The following RNF111 variants were observed in gnomAD, a reference collection of about 807,000 sequenced individuals.
RNF111 encodes the protein E3 ubiquitin-protein ligase Arkadia.
RNF111 carries 17 observed loss-of-function variants against 95.1 expected under a neutral mutation model. The observed-to-expected ratio is 0.18, with a 90% CI of 0.12 to 0.27. RNF111 has a LOEUF of 0.27. RNF111 is among the 10% of genes least tolerant of loss of function. The pLI is 1.00. For synonymous variants in RNF111, 440 were observed against 414.8 expected (o/e 1.06, Z -0.74); for missense variants, 1,189 against 1,210.4 (o/e 0.98, Z 0.26).
At chr15:59,026,239 G>C (rs1296492509) in intron 1 of RNF111, among the ~76,000 whole-genome samples, 1 of 151,968 alleles carries the variant, frequency 6.6e-6, no homozygotes, top group African/African-American at 2.4e-5. Flanking sequence ...ACATAAACTT[G>C]TTTATGATGT....
In RNF111 at chr15:59,030,790, A is replaced by G. The variant is rs2040865396; in HGVS notation, c.-19-14A>G. Reference sequence around the variant, plus strand: ...ACATTAAAAATCTTTTAAATATCTAATTTTGTCTTCTAGGCTTTCCTTAAA... The same window carrying G: ...ACATTAAAAATCTTTTAAATATCTAGTTTTGTCTTCTAGGCTTTCCTTAAA... On this transcript the variant is annotated splice_polypyrimidine_tract_variant and intron_variant, in intron 1 of 13. Transcript: ENST00000348370. The G allele has an allele frequency of 6.6e-7, 1 of 1,509,338 alleles. No homozygotes were observed. The highest frequency in any genetic ancestry group is 8.9e-7 in the Non-Finnish European group (1 of 1,124,724). The allele number at this position is 1,509,338 out of a possible 1,614,324, so 93.5% of individuals were successfully genotyped here.
At chr15:59,064,046 A>G (rs147025544) in intron 5 of RNF111, among the ~76,000 whole-genome samples, 273 of 152,306 alleles carry the variant, frequency 1.8e-3, no homozygotes, top group African/African-American at 6.4e-3. Flanking sequence ...AGTAATTACT[A>G]TACATATTAT....
intron 1 of RNF111, chr15:59,004,305 G>A (rs1259586186): frequency 3.2e-5 from 7 of 221,188 alleles, no homozygotes; most frequent in Non-Finnish European, 4.9e-5. Context: ...GGAACTTGCT[G>A]TTTAGGTTTA....
chr15:59,066,884 C>G lies in RNF111; in HGVS notation c.1487C>G (p.Ala496Gly). Residue 496 changes from alanine (A) to glycine (G), a missense_variant, in exon 6 of 14, where the codon GCA becomes GGA. Around this residue, in one of 2 missense-constraint regions of RNF111, gnomAD observed 1,024 missense variants for 925.9 expected, o/e 1.11. Transcript: ENST00000348370. ...GGAGGGTCGTCACAGAACCACCATG[C>G]ATTAGGACATCCTCATACAAGTTGC... ...PCGGSSQNHH[A>G]LGHPHTSCFQ... is the part of the protein sequence containing the mutation. 1.9e-6 allele frequency: 3 copies of G among 1,614,056 alleles called. No individual in the cohort carries two copies. Among genetic ancestry groups the G allele is most frequent in the Non-Finnish European group, 2.5e-6 (3 of 1,180,004 alleles).
At chr15:59,072,976 A>G (rs1290613386) in intron 6 of RNF111, among the ~76,000 whole-genome samples, 1 of 151,818 alleles carries the variant, frequency 6.6e-6, no homozygotes, top group Non-Finnish European at 1.5e-5. Context: ...GTTAAAGACC[A>G]GTCTGGGCAA....
chr15:59,023,479 A>G (rs1460810758), intron 1 of RNF111, among the ~76,000 whole-genome samples: 6 of 152,070 alleles, frequency 3.9e-5, no homozygotes, highest in African/African-American at 1.4e-4. Flanking sequence ...GTATTTTCTA[A>G]CTAGCTACTG....
intron 6 of RNF111, among the ~76,000 whole-genome samples, chr15:59,070,138 T>A (rs1274392669): frequency 6.7e-6 from 1 of 149,884 alleles, no homozygotes; most frequent in Non-Finnish European, 1.5e-5. Context: ...GACTTCTAAT[T>A]GGCTGGGACT....
chr15:59,036,808 A>G (rs1444333320), intron 2 of RNF111, among the ~76,000 whole-genome samples: 3 of 152,140 alleles, frequency 2.0e-5, no homozygotes, highest in Admixed American at 6.6e-5. Context: ...TTATGTCATC[A>G]GTTCATTTGT....
chr15:59,084,355 G>A (rs949019633), intron 9 of RNF111, 101 bp downstream of exon 9: 2 of 1,195,872 alleles, frequency 1.7e-6, no homozygotes, highest in Admixed American at 2.8e-5. Flanking sequence ...GGATGATGTG[G>A]AGAAACCTAA....
intron 1 of RNF111, among the ~76,000 whole-genome samples, chr15:58,992,897 G>A (rs1304591833): frequency 6.6e-6 from 1 of 152,098 alleles, no homozygotes; most frequent in East Asian, 1.9e-4. Context: ...TGGACATGGT[G>A]GTGCACACCT....
rs2040879069 is a variant in RNF111, at chr15:59,031,044, A to G, written c.222A>G (p.Gln74=). The G allele has an allele frequency of 1.2e-6, 2 of 1,614,254 alleles. No homozygotes were observed. Among genetic ancestry groups the G allele is most frequent in the Non-Finnish European group, 1.7e-6 (2 of 1,180,038 alleles). ...ACCTGTGTGATGATTCTCAAAAGCA[A>G]GAGAAGGAAATGAATGGTAACCAGC... ...FSHLCDDSQK[Q]EKEMNGNQQE... Residue 74 remains glutamine (Q), a synonymous_variant, in exon 2 of 14, where the codon CAA becomes CAG. Coordinates refer to ENST00000348370, the MANE Select transcript of RNF111 (RefSeq NM_017610.8).
chr15:59,024,222 A>G (rs1384565263), intron 1 of RNF111, among the ~76,000 whole-genome samples: 1 of 152,128 alleles, frequency 6.6e-6, no homozygotes, highest in African/African-American at 2.4e-5. Flanking sequence ...TATCTCAGCT[A>G]TTGGTGTCAC....
chr15:59,010,711 G>T (rs1443300426), intron 1 of RNF111, among the ~76,000 whole-genome samples: 1 of 152,072 alleles, frequency 6.6e-6, no homozygotes, highest in East Asian at 1.9e-4. Flanking sequence ...CTCCACATCT[G>T]TTTTAATCTT....
At chr15:59,049,745 CTTTTTTTTTTTT>C (rs368049097) in intron 2 of RNF111, 1 of 104,622 alleles carries the variant, frequency 9.6e-6, no homozygotes, top group Non-Finnish European at 1.9e-5. Flanking sequence ...TTCTTTCTTT[CTTTTTTTTTTTT>C]TTTTTTTTGA....
chr15:59,000,708 CAAAA>C (rs35056899), intron 1 of RNF111, among the ~76,000 whole-genome samples: 1 of 90,164 alleles, frequency 1.1e-5, no homozygotes, highest in Non-Finnish European at 2.3e-5. Flanking sequence ...AACTCCGTCT[CAAAA>C]AAAAAAAAAA....
In RNF111 at chr15:59,030,887, T is replaced by C. The variant is rs933677559; in HGVS notation, c.65T>C (p.Ile22Thr). The stretch of plus-strand genomic sequence containing the variant: ...TTAAAAGTGGATATGAAGAGTGAGA[T>C]TCCTTCTGATGCACCAAAGACACAG... ...YTLKVDMKSE[I>T]PSDAPKTQES... is the part of the protein sequence containing the mutation. The change falls in exon 2 of 14, where the codon ATT becomes ACT. Residue 22 changes from isoleucine to threonine, a missense_variant. By Grantham distance (89) the Ile-to-Thr change is moderately conservative. Around this residue, in one of 2 missense-constraint regions of RNF111, gnomAD observed 1,024 missense variants for 925.9 expected, o/e 1.11. Transcript: ENST00000348370. 5.0e-6 allele frequency: 8 copies of C among 1,614,048 alleles called. No individual in the cohort carries two copies. Among genetic ancestry groups the C allele is most frequent in the Non-Finnish European group, 5.9e-6 (7 of 1,179,994 alleles).
intron 1 of RNF111, among the ~76,000 whole-genome samples, chr15:59,010,734 T>G (rs1054170013): frequency 1.3e-5 from 2 of 152,148 alleles, no homozygotes; most frequent in Non-Finnish European, 2.9e-5. Flanking sequence ...AAGTGTATTA[T>G]AAGTTATAGT....
intron 1 of RNF111, among the ~76,000 whole-genome samples, chr15:59,013,951 G>T (rs1192037390): frequency 6.6e-6 from 1 of 151,860 alleles, no homozygotes; most frequent in African/African-American, 2.4e-5. Flanking sequence ...ACCACGCCTG[G>T]CTAATTTTTG....
Position 59,028,317 on chromosome 15 carries a change from C to T in RNF111, c.-19-2487C>T, listed in dbSNP as rs2040726928. On this transcript the variant is annotated intron_variant, in intron 1 of 13. Transcript: ENST00000348370. ...TTGTAGCTTGAGTCAGTATGGTAGT[C>T]TGCGCCCCTGTCCAAGGGGAAACCA... Among the ~76,000 whole-genome samples, 3 of 152,038 alleles carry T rather than the reference C, an allele frequency of 2.0e-5. No homozygotes were observed. In the South Asian group the frequency reaches 6.2e-4, roughly 31 times the overall value.
Sources: allele counts gnomAD v4.1 joint callset (sites outside exome capture counted in the v4.1 genomes callset), GRCh38; gene constraint gnomAD v4.1.1; regional missense constraint gnomAD v4.1.1; transcripts MANE v1.5; gene names NCBI Gene and HGNC (gene_info 2026-07-23, HGNC 2026-07-21).